Variants in ERC2 observed in about 807,000 individuals in gnomAD.
ERC2 encodes the protein ERC protein 2.
ERC2 carries 42 observed loss-of-function variants against 114.8 expected under a neutral mutation model. The observed-to-expected ratio is 0.37, with a 90% CI of 0.29 to 0.47. The LOEUF is 0.47. ERC2 is among the 20% of genes least tolerant of loss of function. ERC2 has a pLI of 0.99. For missense variants in ERC2, 939 were observed against 1,150.7 expected, an observed-to-expected ratio of 0.82 and a Z score of 2.66; for synonymous variants, 454 against 425.5, an observed-to-expected ratio of 1.07 and a Z score of -0.82.
intron 7 of ERC2, among the ~76,000 whole-genome samples, chr3:56,040,733 T>C (rs150776864): frequency 0.018 from 2,644 of 144,272 alleles, 35 homozygotes; most frequent in South Asian, 0.034. Flanking sequence ...TAGATATATC[T>C]CTATATATAT....
intron 17 of ERC2, among the ~76,000 whole-genome samples, chr3:55,563,327 C>A (rs62251511): frequency 1.4e-5 from 2 of 145,830 alleles, no homozygotes; most frequent in Non-Finnish European, 3.0e-5. Context: ...GAGTGTCTTT[C>A]CTTTTTTTTT....
intron 2 of ERC2, among the ~76,000 whole-genome samples, chr3:56,351,994 G>A (rs998272935): frequency 1.3e-5 from 2 of 152,188 alleles, no homozygotes; most frequent in Non-Finnish European, 2.9e-5. Flanking sequence ...TGTGAGTCTT[G>A]AAGTGGAGAA....
chr3:56,426,226 T>C (rs748308709), intron 2 of ERC2, among the ~76,000 whole-genome samples: 13 of 152,102 alleles, frequency 8.5e-5, no homozygotes, highest in Non-Finnish European at 1.6e-4. Context: ...TGAGAGAAGG[T>C]AAGGGATAAG....
chr3:55,655,562 C>T (rs1169190232), intron 17 of ERC2, among the ~76,000 whole-genome samples: 2 of 152,186 alleles, frequency 1.3e-5, no homozygotes, highest in African/African-American at 4.8e-5. Flanking sequence ...GCATGTGGGG[C>T]TGAAGCTGAC....
intron 13 of ERC2, among the ~76,000 whole-genome samples, chr3:55,890,114 C>A (rs2063535082): frequency 6.6e-6 from 1 of 152,196 alleles, no homozygotes; most frequent in Non-Finnish European, 1.5e-5. Context: ...TTTAACTTTA[C>A]AAATCTATGC....
chr3:56,145,983 C>T (rs112022962), intron 5 of ERC2, among the ~76,000 whole-genome samples: 1 of 152,074 alleles, frequency 6.6e-6, no homozygotes, highest in East Asian at 1.9e-4. Context: ...AGGAATCACA[C>T]TCATCACTCA....
intron 2 of ERC2, among the ~76,000 whole-genome samples, chr3:56,414,724 CAAA>C (rs10706985): frequency 5.7e-5 from 6 of 104,908 alleles, no homozygotes; most frequent in Admixed American, 9.9e-5. Flanking sequence ...GACTCTGTCT[CAAA>C]AAAAAAAAAA....
rs372238826 is a variant in ERC2 at position 55,942,193 on chromosome 3, T to C, written c.2403+8232A>G. Among the ~76,000 whole-genome samples the C allele has an allele frequency of 1.1e-4, 16 of 151,250 alleles. No individual in the cohort carries two copies. The East Asian group carries it at 1.7e-3, about 17-fold the overall frequency. On this transcript the variant is annotated intron_variant, in intron 13 of 17. Coordinates refer to ENST00000288221, the MANE Select transcript of ERC2 (RefSeq NM_015576.3). ...CCCTCTAGGATCGTGGGCAGGTCATTTGCCTTTGCTGGGCCCTACTTCCTT... is the reference window on the plus strand; with the variant it reads ...CCCTCTAGGATCGTGGGCAGGTCATCTGCCTTTGCTGGGCCCTACTTCCTT...
At chr3:55,807,732 AC>A (rs2059545841) in intron 14 of ERC2, among the ~76,000 whole-genome samples, 1 of 152,194 alleles carries the variant, frequency 6.6e-6, no homozygotes, top group South Asian at 2.1e-4. Flanking sequence ...TTCCTTATCA[AC>A]CTAGACTCCT....
chr3:56,412,314 CTG>C (rs1351873601), intron 2 of ERC2, among the ~76,000 whole-genome samples: 2 of 152,212 alleles, frequency 1.3e-5, no homozygotes, highest in African/African-American at 4.8e-5. Context: ...CCTCCACAAA[CTG>C]TGAGAGAAGA....
intron 5 of ERC2, among the ~76,000 whole-genome samples, chr3:56,147,605 C>G (rs1467164580): frequency 2.0e-5 from 3 of 152,166 alleles, no homozygotes; most frequent in Non-Finnish European, 2.9e-5. Context: ...ACATTTTTCT[C>G]TCCTCTCCCA....
chr3:56,372,962 C>A (rs1354282499), intron 2 of ERC2, among the ~76,000 whole-genome samples: 1 of 152,282 alleles, frequency 6.6e-6, no homozygotes, highest in Admixed American at 6.5e-5. Context: ...TATTCAGCAA[C>A]TAAAAAGTAA....
chr3:56,181,159 T>C (rs2083267048), intron 3 of ERC2, among the ~76,000 whole-genome samples: 1 of 152,224 alleles, frequency 6.6e-6, no homozygotes, highest in Non-Finnish European at 1.5e-5. Flanking sequence ...CAAACAGTGT[T>C]TCAATAAACC....
At chr3:56,375,547 C>T (rs1416169812) in intron 2 of ERC2, among the ~76,000 whole-genome samples, 1 of 152,182 alleles carries the variant, frequency 6.6e-6, no homozygotes, top group Non-Finnish European at 1.5e-5. Context: ...AGGCATGGTT[C>T]CTGCCCTCAT....
At chr3:56,182,463 T>C (rs1177865680) in intron 3 of ERC2, among the ~76,000 whole-genome samples, 1 of 152,224 alleles carries the variant, frequency 6.6e-6, no homozygotes, top group Admixed American at 6.5e-5. Context: ...CTGTGAAGGA[T>C]GATAATAACT....
intron 6 of ERC2, among the ~76,000 whole-genome samples, chr3:56,115,961 C>G (rs961540475): frequency 6.6e-6 from 1 of 152,144 alleles, no homozygotes; most frequent in African/African-American, 2.4e-5. Flanking sequence ...ATGCAGAGCC[C>G]ATTGAGATTA....
At chr3:55,619,014 C>A (rs1278197618) in intron 17 of ERC2, among the ~76,000 whole-genome samples, 1 of 152,098 alleles carries the variant, frequency 6.6e-6, no homozygotes, top group Non-Finnish European at 1.5e-5. Flanking sequence ...ATGGTAAAAC[C>A]ACAAGTGGGC....
intron 14 of ERC2, among the ~76,000 whole-genome samples, chr3:55,749,482 A>T (rs376475152): frequency 1.3e-5 from 2 of 152,256 alleles, no homozygotes; most frequent in East Asian, 3.9e-4. Context: ...AACTTTTCTG[A>T]CAAGAGGATT....
intron 2 of ERC2, among the ~76,000 whole-genome samples, chr3:56,296,971 T>G (rs943264258): frequency 6.6e-6 from 1 of 152,198 alleles, no homozygotes; most frequent in Non-Finnish European, 1.5e-5. Context: ...ACAGGATTAC[T>G]GCATCTGCAA....
Sources: gnomAD v4.1 joint callset for allele counts (sites outside exome capture counted in the v4.1 genomes callset) on GRCh38, gnomAD v4.1.1 for gene constraint, MANE v1.5 for transcripts, NCBI Gene and HGNC (gene_info 2026-07-23, HGNC 2026-07-21) for gene names.